The following UBE4A variants were observed in gnomAD, a reference collection of about 807,000 sequenced individuals.
UBE4A encodes the protein ubiquitination factor E4A, also known as ubiquitin conjugation factor E4 A.
Under a neutral mutation model 117.9 loss-of-function variants are expected in UBE4A, and 48 were observed. The ratio of observed to expected loss-of-function variants is 0.41; its 90% CI spans 0.32 to 0.52. The LOEUF (loss-of-function observed/expected upper bound fraction) is 0.52, where lower values mean the gene tolerates loss of function less well. UBE4A is among the 20% of genes least tolerant of loss of function. The pLI is 0.33. For missense variants in UBE4A, 1,067 were observed against 1,296.3 expected (o/e 0.82, Z 2.72); for synonymous variants, 407 against 450.0 (o/e 0.90, Z 1.21).
chr11:118,384,945 GGTA>G lies in UBE4A; in HGVS notation c.2412+1_2412+3del. 1 of 1,105,448 alleles carries G rather than the reference GGTA, an allele frequency of 9.0e-7. No individual in the cohort carries two copies. Among genetic ancestry groups the G allele is most frequent in the Non-Finnish European group, 1.3e-6 (1 of 787,252 alleles). The allele number at this position is 1,105,448 out of a possible 1,614,324, so 68.5% of individuals were successfully genotyped here. ...TCTTCCTTTTGGATGAAGCCATACA[GGTA>G]AAAAAAAAAAAAAAAAAAAAGATTT... On this transcript the variant is annotated splice_donor_variant and splice_donor_region_variant and intron_variant, in intron 15 of 19. Transcript: ENST00000252108. LOFTEE classifies it high-confidence loss of function.
chr11:118,386,043 G>C (rs962145841), intron 15 of UBE4A, among the ~76,000 whole-genome samples: 3 of 152,118 alleles, frequency 2.0e-5, no homozygotes, highest in African/African-American at 2.4e-5. Flanking sequence ...TTTTTTGTAA[G>C]CAATTTGGCA....
At position 118,379,648 on chromosome 11, in the gene UBE4A, G is replaced by A. The variant is rs900974206; in HGVS notation, c.1774G>A (p.Ala592Thr). The A allele has an allele frequency of 3.1e-6, 5 of 1,614,052 alleles. No homozygotes were observed. The highest frequency in any genetic ancestry group is 1.3e-5 in the African/African-American group (1 of 74,906). ...CTGCCTAAACTTGCAGGTGTCCATGGCTGTTCTACTGGTTCAACTGGCCAT... is the reference window on the plus strand; with the variant it reads ...CTGCCTAAACTTGCAGGTGTCCATGACTGTTCTACTGGTTCAACTGGCCAT... ...QNCLNLQVSMAVLLVQLAIGN... is the reference protein window; with the variant it reads ...QNCLNLQVSMTVLLVQLAIGN... Residue 592 changes from alanine to threonine, a missense_variant, in exon 11 of 20, where the codon GCT (alanine) becomes ACT (threonine). Ala to Thr is a moderately conservative substitution (Grantham distance 58). This residue lies in a region of UBE4A where 1,001 missense variants were observed against 1,184.0 expected (regional missense o/e 0.85). Coordinates refer to ENST00000252108, the MANE Select transcript of UBE4A (RefSeq NM_001204077.2).
At chr11:118,369,402 C>G (rs1449400991) in intron 3 of UBE4A, 21 bp from the exon 4 acceptor site, 2 of 1,570,892 alleles carry the variant, frequency 1.3e-6, no homozygotes, top group Non-Finnish European at 8.8e-7. Flanking sequence ...CTTAACCTAT[C>G]ATATTAAAAC....
At chr11:118,381,266 G>A (rs1406230012) in intron 11 of UBE4A, 125 bp from the exon 12 acceptor site, 5 of 1,218,090 alleles carry the variant, frequency 4.1e-6, no homozygotes, top group Non-Finnish European at 4.6e-6. Context: ...ACCATCTCTA[G>A]TACCAACAAA....
intron 19 of UBE4A, among the ~76,000 whole-genome samples, chr11:118,396,039 C>T (rs902513908): frequency 1.3e-5 from 2 of 151,324 alleles, no homozygotes; most frequent in Admixed American, 1.3e-4. Context: ...AACGCCACTG[C>T]ACTCCATCCT....
chr11:118,380,718 G>T (rs1387414292), intron 11 of UBE4A, among the ~76,000 whole-genome samples: 11 of 152,178 alleles, frequency 7.2e-5, no homozygotes, highest in Non-Finnish European at 1.6e-4. Context: ...TGAGGACTCT[G>T]CTAGGGCTGG....
chr11:118,373,321 G>A, intron 7 of UBE4A, 33 bp downstream of exon 7: 1 of 1,603,854 alleles, frequency 6.2e-7, no homozygotes, highest in Non-Finnish European at 8.5e-7. Context: ...ATTCAGTTGA[G>A]CTAGATGTGT....
In UBE4A at chr11:118,384,637, G is replaced by A; in HGVS notation, c.2200G>A (p.Asp734Asn). The stretch of plus-strand genomic sequence containing the variant: ...ATTTCGCTCTTGCCTTACTCCAGGA[G>A]ACCCCCATCAATTTGAACAGAAGTT... Reference protein sequence around the residue: ...KVFVDIEFTGDPHQFEQKFNY... With the variant: ...KVFVDIEFTGNPHQFEQKFNY... Residue 734 changes from aspartate (D) to asparagine (N), a missense_variant and splice_region_variant, in exon 14 of 20, where the codon GAC becomes AAC. Transcript: ENST00000252108. 6.2e-7 allele frequency: 1 copy of A among 1,613,896 alleles called. No homozygotes were observed. The highest frequency in any genetic ancestry group is 8.5e-7 in the Non-Finnish European group (1 of 1,179,900).
chr11:118,374,783 G>C (rs929972555), intron 8 of UBE4A, 113 bp from the exon 9 acceptor site: 1 of 975,238 alleles, frequency 1.0e-6, no homozygotes. Context: ...CACAGAGAGT[G>C]AGGGGAAAGA....
intron 1 of UBE4A, among the ~76,000 whole-genome samples, chr11:118,362,279 T>A (rs1440971438): frequency 6.6e-6 from 1 of 152,160 alleles, no homozygotes; most frequent in Non-Finnish European, 1.5e-5. Flanking sequence ...CACGCCACCA[T>A]GCCTGGCTAA....
intron 1 of UBE4A, among the ~76,000 whole-genome samples, chr11:118,360,164 A>G (rs978365425): frequency 2.6e-5 from 4 of 152,238 alleles, no homozygotes; most frequent in South Asian, 2.1e-4. Flanking sequence ...TGAGTTCACC[A>G]CAGATAACTC....
rs781804295 is a variant in UBE4A at position 118,396,428 on chromosome 11, G to C, written c.3189G>C (p.Glu1063Asp). The change falls in exon 20 of 20, where the codon GAG (glutamate) becomes GAC (aspartate). Residue 1063 changes from glutamate (E) to aspartate (D), a missense_variant. Transcript: ENST00000252108. ...RWLAERKQQK[E>D]QLE ...TTGCAGAGAGGAAACAACAAAAGGA[G>C]CAACTTGAATAGATACTGTGAACTA... is the stretch of plus-strand genomic sequence containing the variant. The C allele has an allele frequency of 6.2e-7, 1 of 1,613,598 alleles. No homozygotes were observed. Among genetic ancestry groups the C allele is most frequent in the East Asian group, 2.2e-5 (1 of 44,836 alleles).
intron 17 of UBE4A, among the ~76,000 whole-genome samples, chr11:118,390,362 ATATT>A (rs1333392017): frequency 6.8e-6 from 1 of 146,484 alleles, no homozygotes; most frequent in Non-Finnish European, 1.5e-5. Flanking sequence ...AAAAGTATAT[ATATT>A]AAATATATAA....
chr11:118,378,672 T>C (rs1222793902), intron 10 of UBE4A: 11 of 152,244 alleles, frequency 7.2e-5, no homozygotes, highest in African/African-American at 2.2e-4. Context: ...ATCTCCATCA[T>C]AGACATTTTA....
At chr11:118,371,038 CAT>C (rs1948604337) in intron 4 of UBE4A, among the ~76,000 whole-genome samples, 1 of 152,298 alleles carries the variant, frequency 6.6e-6, no homozygotes, top group Middle Eastern at 3.4e-3. Context: ...TGGAGACAAA[CAT>C]ATAAACCACA....
At position 118,397,112 on chromosome 11, in the gene UBE4A, A is replaced by G. The variant is rs1280303728; in HGVS notation, c.*672A>G. 1 of 152,184 alleles carries G rather than the reference A, an allele frequency of 6.6e-6. No individual in the cohort carries two copies. The highest frequency in any genetic ancestry group is 1.5e-5 in the Non-Finnish European group (1 of 68,074). 9.4% of individuals were successfully genotyped at this position (152,184 alleles called of 1,614,324 possible). On this transcript the variant is annotated 3_prime_UTR_variant, in exon 20 of 20. Coordinates refer to ENST00000252108, the MANE Select transcript of UBE4A (RefSeq NM_001204077.2). ...CTTTTTAATGAGGATTGGTAGGGCA[A>G]TCCTACCAATTGATGGGGGTGAGGA... is the stretch of plus-strand genomic sequence containing the variant.
In UBE4A at chr11:118,368,626, G is replaced by A; in HGVS notation, c.122-5G>A. ...TAACATTTAACAGTATACATTTTCT[G>A]GCAGATGAACTCCCAGCTAGCCCAG... On this transcript the variant is annotated splice_region_variant and splice_polypyrimidine_tract_variant and intron_variant, in intron 2 of 19. Coordinates refer to ENST00000252108, the MANE Select transcript of UBE4A (RefSeq NM_001204077.2). 6.2e-7 allele frequency: 1 copy of A among 1,613,938 alleles called. No individual in the cohort carries two copies.
intron 1 of UBE4A, among the ~76,000 whole-genome samples, chr11:118,361,931 A>G (rs779100655): frequency 6.6e-6 from 1 of 152,272 alleles, no homozygotes; most frequent in Non-Finnish European, 1.5e-5. Flanking sequence ...ACATGTAATC[A>G]GAAGAGCTTA....
chr11:118,382,820 C>G, intron 13 of UBE4A, 44 bp downstream of exon 13: 1 of 1,459,960 alleles, frequency 6.8e-7, no homozygotes, highest in Non-Finnish European at 9.2e-7. Context: ...GAAGCTGATA[C>G]CAGTGGAGTT....
Sources: allele counts gnomAD v4.1 joint callset (sites outside exome capture counted in the v4.1 genomes callset), GRCh38; gene constraint gnomAD v4.1.1; regional missense constraint gnomAD v4.1.1; transcripts MANE v1.5; gene names NCBI Gene and HGNC (gene_info 2026-07-23, HGNC 2026-07-21).